Variants in ELK3 observed in about 807,000 individuals in gnomAD.
The protein encoded by ELK3 is ETS transcription factor ELK3.
ELK3 carries 10 observed loss-of-function variants against 28.9 expected under a neutral mutation model. The observed-to-expected ratio is 0.35, with a 90% CI of 0.21 to 0.59. The LOEUF is 0.59. ELK3 is among the 20% of genes least tolerant of loss of function. The pLI is 0.82. For synonymous variants in ELK3, 272 were observed against 243.5 expected (o/e 1.12, Z -1.09); for missense variants, 463 against 517.3 (o/e 0.90, Z 1.02).
At chr12:96,202,683 C>T (rs1287709416) in intron 1 of ELK3, among the ~76,000 whole-genome samples, 7 of 152,066 alleles carry the variant, frequency 4.6e-5, no homozygotes, top group Admixed American at 1.3e-4. Flanking sequence ...TGTGCCACCA[C>T]ACCTTGCTAA....
intron 3 of ELK3, among the ~76,000 whole-genome samples, chr12:96,255,075 C>G (rs1050880956): frequency 6.6e-6 from 1 of 151,908 alleles, no homozygotes; most frequent in African/African-American, 2.4e-5. Context: ...ATATTCCAGG[C>G]GAAAGACCAT....
chr12:96,215,686 A>G (rs1316939703), intron 1 of ELK3, among the ~76,000 whole-genome samples: 3 of 139,062 alleles, frequency 2.2e-5, no homozygotes, highest in African/African-American at 8.3e-5. Flanking sequence ...CCCAGGCTGG[A>G]GTGCAGTGGT....
At chr12:96,264,504 C>T (rs973631623) in intron 4 of ELK3, among the ~76,000 whole-genome samples, 1 of 152,008 alleles carries the variant, frequency 6.6e-6, no homozygotes, top group Non-Finnish European at 1.5e-5. Context: ...TAGTTAAGGC[C>T]GGGCATGGTG....
intron 1 of ELK3, among the ~76,000 whole-genome samples, chr12:96,206,462 G>A (rs1476305894): frequency 1.3e-5 from 2 of 151,954 alleles, no homozygotes; most frequent in Non-Finnish European, 2.9e-5. Flanking sequence ...AACTATAGGT[G>A]TGCGCCACCA....
At chr12:96,199,158 G>A (rs1419431886) in intron 1 of ELK3, among the ~76,000 whole-genome samples, 1 of 152,018 alleles carries the variant, frequency 6.6e-6, no homozygotes, top group Non-Finnish European at 1.5e-5. Flanking sequence ...GGAAGTACAG[G>A]GCACTACACA....
intron 1 of ELK3, among the ~76,000 whole-genome samples, chr12:96,213,334 G>A (rs1406717805): frequency 6.6e-6 from 1 of 152,114 alleles, no homozygotes; most frequent in African/African-American, 2.4e-5. Flanking sequence ...TCTATCCCAG[G>A]AATCTTAAAA....
At position 96,267,410 on chromosome 12, in the gene ELK3, T is replaced by C. The variant is rs1338003523; in HGVS notation, c.*230T>C. On this transcript the variant is annotated 3_prime_UTR_variant, in exon 5 of 5. Transcript: ENST00000228741. ...TTAAGTGAATTTTAATGTTTTTGTT[T>C]TTATATCCTTTTAGCTCTTAAGTGT... 7.5e-6 allele frequency: 3 copies of C among 400,696 alleles called. No homozygotes were observed. Among genetic ancestry groups the C allele is most frequent in the African/African-American group, 2.0e-5 (1 of 48,858 alleles). The allele number at this position is 400,696 out of a possible 1,614,324, so 24.8% of individuals were successfully genotyped here.
In ELK3 at chr12:96,220,689, G is replaced by A. The variant is rs375261842; in HGVS notation, c.-2-2876G>A. The stretch of plus-strand genomic sequence containing the variant: ...TTACAGGCGTGAGCCACCACAGCCG[G>A]CCTTTCTCATGATTTTGAACACAAG... On this transcript the variant is annotated intron_variant, in intron 1 of 4. Transcript: ENST00000228741. Among the ~76,000 whole-genome samples the A allele has an allele frequency of 5.8e-4, 89 of 152,218 alleles. No individual in the cohort carries two copies. The South Asian group carries it at 6.4e-3, about 11-fold the overall frequency.
intron 1 of ELK3, among the ~76,000 whole-genome samples, chr12:96,204,505 A>G (rs1023246202): frequency 2.6e-5 from 4 of 152,258 alleles, no homozygotes; most frequent in African/African-American, 9.6e-5. Context: ...ATTTGTTGAT[A>G]GGTCAAACCT....
chr12:96,194,771 TTTTC>T (rs1951449069), intron 1 of ELK3, 66 bp downstream of exon 1: 1 of 145,156 alleles, frequency 6.9e-6, no homozygotes, highest in African/African-American at 2.5e-5. Flanking sequence ...TGTTTTCTTT[TTTTC>T]TTTCTTTTCT....
intron 1 of ELK3, among the ~76,000 whole-genome samples, chr12:96,211,945 T>C (rs948627064): frequency 6.6e-6 from 1 of 152,242 alleles, no homozygotes; most frequent in Non-Finnish European, 1.5e-5. Flanking sequence ...GACTACTGTT[T>C]AGGAGAATCT....
rs768697321 is a variant in ELK3, at chr12:96,267,089, C to A, written c.1133C>A (p.Thr378Lys). The change falls in exon 5 of 5, where the codon ACA becomes AAA. Residue 378 changes from threonine (T) to lysine (K), a missense_variant. Thr to Lys is a moderately conservative substitution (Grantham distance 78). Around this residue, in one of 2 missense-constraint regions of ELK3, gnomAD observed 408 missense variants for 414.8 expected, o/e 0.98. Transcript: ENST00000228741. ...QGPSTLFQFP[T>K]LLNGHMPVPI... ...ATCTTTTGTCCCCTACAGTTCCCCA[C>A]ACTGCTTAATGGCCACATGCCAGTG... The A allele has an allele frequency of 1.2e-6, 2 of 1,612,678 alleles. No homozygotes were observed. The highest frequency in any genetic ancestry group is 1.7e-6 in the Non-Finnish European group (2 of 1,179,510).
chr12:96,233,811 C>G (rs1490369866), intron 2 of ELK3, among the ~76,000 whole-genome samples: 1 of 152,194 alleles, frequency 6.6e-6, no homozygotes, highest in Admixed American at 6.5e-5. Flanking sequence ...TAGGGAAGAC[C>G]TGGACTCCCT....
chr12:96,249,364 A>G (rs969848635), intron 3 of ELK3, among the ~76,000 whole-genome samples: 5 of 152,174 alleles, frequency 3.3e-5, no homozygotes, highest in Admixed American at 6.5e-5. Flanking sequence ...CAAGCCTGTG[A>G]GCTGGTGGTG....
chr12:96,232,219 A>G (rs1339749517), intron 2 of ELK3, among the ~76,000 whole-genome samples: 1 of 152,112 alleles, frequency 6.6e-6, no homozygotes, highest in Non-Finnish European at 1.5e-5. Flanking sequence ...TGAGTGGGGA[A>G]TGGAGTGTGG....
intron 3 of ELK3, among the ~76,000 whole-genome samples, chr12:96,255,891 G>A (rs990507439): frequency 7.2e-5 from 11 of 152,138 alleles, no homozygotes; most frequent in East Asian, 3.8e-4. Context: ...GAGAATTTAC[G>A]GTTTGTAGGG....
intron 3 of ELK3, among the ~76,000 whole-genome samples, chr12:96,250,406 GA>G (rs1951894163): frequency 6.6e-6 from 1 of 152,328 alleles, no homozygotes; most frequent in African/African-American, 2.4e-5. Flanking sequence ...GATCAGATAG[GA>G]TATCTTGAAG....
intron 1 of ELK3, among the ~76,000 whole-genome samples, chr12:96,197,441 G>A (rs1177940951): frequency 6.6e-6 from 1 of 152,126 alleles, no homozygotes; most frequent in Admixed American, 6.6e-5. Context: ...GATGATGAAA[G>A]CTCTTTAACA....
intron 2 of ELK3, among the ~76,000 whole-genome samples, chr12:96,235,236 C>T (rs1256463236): frequency 1.3e-5 from 2 of 149,098 alleles, no homozygotes; most frequent in Non-Finnish European, 3.0e-5. Flanking sequence ...CTCAGGCCCC[C>T]TCCTTCCCCC....
Sources: allele counts gnomAD v4.1 joint callset (sites outside exome capture counted in the v4.1 genomes callset), GRCh38; gene constraint gnomAD v4.1.1; regional missense constraint gnomAD v4.1.1; transcripts MANE v1.5; gene names NCBI Gene and HGNC (gene_info 2026-07-23, HGNC 2026-07-21).